Variants in TLK1 observed in about 807,000 individuals in gnomAD.
TLK1 encodes tousled like kinase 1.
TLK1 carries 24 observed loss-of-function variants against 105.3 expected under a neutral mutation model. The observed-to-expected ratio is 0.23, with a 90% CI of 0.17 to 0.32. The LOEUF is 0.32. Among genes scored for constraint, TLK1 ranks in the 10% least tolerant of loss-of-function variants. The pLI is 1.00. For missense variants in TLK1, 558 were observed against 910.5 expected (o/e 0.61, Z 4.98); for synonymous variants, 321 against 310.4 (o/e 1.03, Z -0.36).
At chr2:171,224,093 A>C (rs1190998728) in intron 1 of TLK1, among the ~76,000 whole-genome samples, 4 of 152,100 alleles carry the variant, frequency 2.6e-5, no homozygotes, top group African/African-American at 7.2e-5. Flanking sequence ...CTTAGATTTA[A>C]GTCTTTACTC....
chr2:171,163,189 T>C (rs1692547730), upstream of TLK1, among the ~76,000 whole-genome samples: 1 of 152,252 alleles, frequency 6.6e-6, no homozygotes, highest in Admixed American at 6.5e-5. Flanking sequence ...AGTATTACAC[T>C]GAATGAGTGT....
intron 1 of TLK1, among the ~76,000 whole-genome samples, chr2:171,156,781 T>C (rs78261527): frequency 0.032 from 4,888 of 152,264 alleles, 257 homozygotes; most frequent in African/African-American, 0.11. Context: ...TTCTAAGGAA[T>C]GCAGTCTTTA....
chr2:171,102,295 T>C (rs970163782), intron 2 of TLK1, among the ~76,000 whole-genome samples: 2 of 152,154 alleles, frequency 1.3e-5, no homozygotes, highest in African/African-American at 2.4e-5. Context: ...TTCTGAGACA[T>C]TTAGTTATAT....
At chr2:171,167,215 A>T in intron 1 of TLK1, among the ~76,000 whole-genome samples, 1 of 152,198 alleles carries the variant, frequency 6.6e-6, no homozygotes, top group East Asian at 1.9e-4. Context: ...TATATATTAG[A>T]TCTACTCTTA....
In TLK1 at chr2:171,160,744, A is replaced by C; in HGVS notation, c.-316T>G. ...GGGGTGCCAGCCGGGCCGGGGTCGG[A>C]GCGCGGGCGGAGCGCGGGCTGCGCC... is the stretch of plus-strand genomic sequence containing the variant. On this transcript the variant is annotated 5_prime_UTR_variant, in exon 1 of 21. Coordinates refer to ENST00000431350, the MANE Select transcript of TLK1 (RefSeq NM_012290.5). This position sits in a 1 kb window ranked among gnomAD's most constrained non-coding sequence, Gnocchi z 4.4. 1 of 419,936 alleles carries C rather than the reference A, an allele frequency of 2.4e-6. No homozygotes were observed. The highest frequency in any genetic ancestry group is 3.6e-5 in the East Asian group (1 of 27,696). The allele number at this position is 419,936 out of a possible 1,614,324, so 26.0% of individuals were successfully genotyped here.
intron 1 of TLK1, among the ~76,000 whole-genome samples, chr2:171,187,057 C>CAAAAAAAAAAAAAA (rs71013019): frequency 6.5e-4 from 22 of 34,022 alleles, no homozygotes; most frequent in East Asian, 1.2e-3. Flanking sequence ...GACTCTGTCT[C>CAAAAAAAAAAAAAA]AAAAAAAAAA....
At chr2:171,058,105 G>T (rs772786509) in intron 5 of TLK1, 46 bp downstream of exon 5, 2 of 1,594,258 alleles carry the variant, frequency 1.3e-6, no homozygotes, top group South Asian at 2.2e-5. Context: ...GCTCACAGCA[G>T]AATAGTACTG....
At chr2:171,028,299 T>C in intron 12 of TLK1, 40 bp downstream of exon 12, 8 of 1,407,458 alleles carry the variant, frequency 5.7e-6, no homozygotes, top group Non-Finnish European at 8.1e-6. Context: ...CAAATTCTGG[T>C]AGCAAATTGA....
At chr2:171,088,757 C>T (rs756777353) in intron 2 of TLK1, among the ~76,000 whole-genome samples, 37 of 152,142 alleles carry the variant, frequency 2.4e-4, no homozygotes, top group Non-Finnish European at 4.3e-4. Context: ...GTCAGATACA[C>T]TAAAAACAAA....
intron 1 of TLK1, among the ~76,000 whole-genome samples, chr2:171,155,393 ACTGATCTTG>A (rs1692194494): frequency 6.6e-6 from 1 of 152,166 alleles, no homozygotes; most frequent in South Asian, 2.1e-4. Flanking sequence ...TTTCATGAAG[ACTGATCTTG>A]CTGACACAAG....
At chr2:171,082,645 G>A in intron 3 of TLK1, 136 bp downstream of exon 3, 1 of 720,080 alleles carries the variant, frequency 1.4e-6, no homozygotes, top group Non-Finnish European at 2.4e-6. Flanking sequence ...TCATAAGGCA[G>A]AACAAAACAT....
intron 1 of TLK1, among the ~76,000 whole-genome samples, chr2:171,142,021 G>A (rs1025906010): frequency 2.6e-5 from 4 of 152,114 alleles, no homozygotes; most frequent in African/African-American, 9.7e-5. Context: ...AGAGGGAAAT[G>A]TACAGTTAAT....
chr2:171,211,551 G>C (rs1045282385), intron 1 of TLK1, among the ~76,000 whole-genome samples: 4 of 138,856 alleles, frequency 2.9e-5, no homozygotes, highest in Non-Finnish European at 6.1e-5. Flanking sequence ...GAGTTAAATG[G>C]ATGCTTTTTT....
intron 3 of TLK1, among the ~76,000 whole-genome samples, chr2:171,067,318 C>T (rs547051364): frequency 6.6e-5 from 7 of 106,064 alleles, no homozygotes; most frequent in South Asian, 1.2e-3. Context: ...CGCCACCACA[C>T]CCAGCTTGTT....
intron 1 of TLK1, among the ~76,000 whole-genome samples, chr2:171,197,009 A>C (rs1004690083): frequency 4.6e-5 from 7 of 152,356 alleles, no homozygotes; most frequent in African/African-American, 1.7e-4. Context: ...GTTGGACTAG[A>C]AAAACGAAAT....
At chr2:171,060,026 GTCAAGTTTAC>G in intron 4 of TLK1, 1 of 1,610,590 alleles carries the variant, frequency 6.2e-7, no homozygotes, top group Non-Finnish European at 8.5e-7. Flanking sequence ...TGGACTTGAA[GTCAAGTTTAC>G]TCCAAAGGAA....
At chr2:171,097,699 C>A (rs1014073767) in intron 2 of TLK1, among the ~76,000 whole-genome samples, 1 of 151,994 alleles carries the variant, frequency 6.6e-6, no homozygotes, top group Non-Finnish European at 1.5e-5. Flanking sequence ...CTGAGGCAGG[C>A]GGATCATATG....
At chr2:171,001,402 C>T (rs1684365218) in intron 18 of TLK1, among the ~76,000 whole-genome samples, 3 of 152,142 alleles carry the variant, frequency 2.0e-5, no homozygotes, top group African/African-American at 7.2e-5. Flanking sequence ...AAAGGTGATC[C>T]CTTATTGGCA....
At chr2:171,070,586 G>A (rs746004272) in intron 3 of TLK1, among the ~76,000 whole-genome samples, 5 of 152,134 alleles carry the variant, frequency 3.3e-5, no homozygotes, top group Non-Finnish European at 5.9e-5. Flanking sequence ...TTCCATCCAT[G>A]TTGTTGCAAA....
Sources: gnomAD v4.1 joint callset for allele counts (sites outside exome capture counted in the v4.1 genomes callset) on GRCh38, gnomAD v4.1.1 for gene constraint, Gnocchi (gnomAD v3.1) non-coding constraint, MANE v1.5 for transcripts, NCBI Gene and HGNC (gene_info 2026-07-23, HGNC 2026-07-21) for gene names.